The following ZFAND4 variants were observed in gnomAD, a reference collection of about 807,000 sequenced individuals.
ZFAND4 encodes the protein AN1-type zinc finger protein 4.
Under a neutral mutation model 64.4 loss-of-function variants are expected in ZFAND4, and 43 were observed. That is an observed-to-expected ratio of 0.67 (90% CI 0.52 to 0.86). The LOEUF (loss-of-function observed/expected upper bound fraction) is 0.86, where lower values mean the gene tolerates loss of function less well. ZFAND4 is among the 40% of genes least tolerant of loss of function. ZFAND4 has a pLI of 0.00. For synonymous variants in ZFAND4, 296 were observed against 305.7 expected (o/e 0.97, Z 0.33); for missense variants, 929 against 859.8 (o/e 1.08, Z -1.01).
Position 45,631,370 on chromosome 10 carries a change from T to TA in ZFAND4, c.718-4266dup, listed in dbSNP as rs199684761. ...ACAAACAAAAAAACAAATAAAGTACTAAAAAAAAAAAACATATAAATTCTA... is the reference window on the plus strand; with the variant it reads ...ACAAACAAAAAAACAAATAAAGTACTAAAAAAAAAAAAACATATAAATTCTA... On this transcript the variant is annotated intron_variant, in intron 6 of 9. Coordinates refer to ENST00000344646, the MANE Select transcript of ZFAND4 (RefSeq NM_174890.4). Among the ~76,000 whole-genome samples, 1,142 of 133,474 alleles carry TA rather than the reference T, an allele frequency of 8.6e-3. 16 individuals are homozygous for TA. Among genetic ancestry groups the TA allele is most frequent in the East Asian group, 0.058 (270 of 4,672 alleles). 87.6% of individuals were successfully genotyped at this position (133,474 alleles called of 152,430 possible).
intron 8 of ZFAND4, among the ~76,000 whole-genome samples, chr10:45,622,101 T>A (rs554897082): frequency 6.6e-6 from 1 of 152,236 alleles, no homozygotes; most frequent in East Asian, 1.9e-4. Context: ...AACTATAACA[T>A]TAAAAGTCAA....
intron 6 of ZFAND4, among the ~76,000 whole-genome samples, chr10:45,628,306 G>C (rs1376547812): frequency 7.9e-5 from 12 of 152,152 alleles, no homozygotes; most frequent in African/African-American, 2.2e-4. Context: ...AGAAACCTTG[G>C]AAAGATGAGC....
chr10:45,663,797 T>G lies in ZFAND4; in HGVS notation c.-72A>C, dbSNP rs899074731. 7.7e-7 allele frequency: 1 copy of G among 1,306,684 alleles called. No homozygotes were observed. The highest frequency in any genetic ancestry group is 1.0e-6 in the Non-Finnish European group (1 of 961,278). 80.9% of individuals were successfully genotyped at this position (1,306,684 alleles called of 1,614,324 possible). A position where few individuals can be genotyped will look rare whatever the true frequency, so the allele number is the denominator to read the frequency against. ...ATTCCAGTTCTAGGCAAACCAGGTT[T>G]GAAGATTGGTAATATATATTGTTGT... On this transcript the variant is annotated 5_prime_UTR_variant, in exon 2 of 10. Coordinates refer to ENST00000344646, the MANE Select transcript of ZFAND4 (RefSeq NM_174890.4).
chr10:45,651,411 C>T, intron 4 of ZFAND4: 1 of 351,486 alleles, frequency 2.8e-6, no homozygotes, highest in African/African-American at 2.1e-5. Context: ...CTTTCTCTCC[C>T]ATGTCTACCA....
At position 45,662,781 on chromosome 10, in the gene ZFAND4, A is replaced by G. The variant is rs905672012; in HGVS notation, c.184+761T>C. On this transcript the variant is annotated intron_variant, in intron 2 of 9. Transcript: ENST00000344646. ...CATCCTTCTATAATTCTGAACTTAA[A>G]CCAGCTGGAGGGCAACCCTAGTCAC... 4 of 528,306 alleles carry G rather than the reference A, an allele frequency of 7.6e-6. No individual in the cohort carries two copies. In the African/African-American group the frequency reaches 8.3e-5, roughly 11 times the overall value. 32.7% of individuals were successfully genotyped at this position (528,306 alleles called of 1,614,324 possible).
chr10:45,642,158 C>T (rs915269870), intron 5 of ZFAND4, among the ~76,000 whole-genome samples: 6 of 152,160 alleles, frequency 3.9e-5, no homozygotes, highest in African/African-American at 1.2e-4. Context: ...ATATTTTAAC[C>T]TTAAATACTT....
chr10:45,622,945 A>G (rs1476225529), intron 8 of ZFAND4, among the ~76,000 whole-genome samples: 6 of 152,194 alleles, frequency 3.9e-5, no homozygotes, highest in African/African-American at 1.4e-4. Flanking sequence ...ATTTCTCCAA[A>G]GAAGATCTAC....
At chr10:45,642,704 C>T (rs1176102200) in intron 5 of ZFAND4, among the ~76,000 whole-genome samples, 2 of 148,830 alleles carry the variant, frequency 1.3e-5, no homozygotes, top group South Asian at 2.1e-4. Flanking sequence ...CAAAGAACCA[C>T]ATTATTTTGT....
At chr10:45,661,622 T>A (rs2048476762) in intron 2 of ZFAND4, among the ~76,000 whole-genome samples, 1 of 152,076 alleles carries the variant, frequency 6.6e-6, no homozygotes, top group African/African-American at 2.4e-5. Flanking sequence ...GATATAAATA[T>A]AAAGATCACC....
intron 4 of ZFAND4, among the ~76,000 whole-genome samples, chr10:45,649,478 T>G (rs2047616774): frequency 6.6e-6 from 1 of 152,204 alleles, no homozygotes; most frequent in Non-Finnish European, 1.5e-5. Flanking sequence ...ACTTATTTAT[T>G]AACAGAATCG....
At chr10:45,651,651 C>T in intron 4 of ZFAND4, 1 of 490,862 alleles carries the variant, frequency 2.0e-6, no homozygotes, top group East Asian at 6.3e-5. Context: ...ATAAACAAGA[C>T]TCGTATGAAA....
intron 5 of ZFAND4, chr10:45,640,423 T>TAA (rs35229531): frequency 0.01 from 9,463 of 913,086 alleles, 46 homozygotes; most frequent in African/African-American, 0.062. Flanking sequence ...AGATTCTCAC[T>TAA]AAAAAAAAAA....
chr10:45,618,198 T>C lies in ZFAND4; in HGVS notation c.1990A>G (p.Thr664Ala), dbSNP rs199784160. ...TTTCCACAAAGAAAACAATGATTTG[T>C]TGTTTTCTTCTTTGTCTGAAGAGGG... ...KAPLQTKKKT[T>A]NHCFLCGKKT... Residue 664 changes from threonine to alanine, a missense_variant, in exon 9 of 10, where the codon ACA becomes GCA. Physicochemically the swap from Thr to Ala is moderately conservative, Grantham distance 58. Transcript: ENST00000344646. 1.1e-4 allele frequency: 177 copies of C among 1,613,832 alleles called. 1 individual carries two copies. The East Asian group carries it at 3.9e-3, about 36-fold the overall frequency.
At chr10:45,652,223 C>G (rs1466065172) in intron 3 of ZFAND4, among the ~76,000 whole-genome samples, 190 bp from the exon 4 acceptor site, 2 of 152,010 alleles carry the variant, frequency 1.3e-5, no homozygotes, top group Non-Finnish European at 2.9e-5. Context: ...GAAACAAATT[C>G]TCATAAGCCA....
intron 3 of ZFAND4, 75 bp from the exon 4 acceptor site, chr10:45,652,108 TG>T: frequency 6.9e-7 from 1 of 1,457,758 alleles, no homozygotes; most frequent in Non-Finnish European, 9.6e-7. Context: ...AATTATGTGC[TG>T]GCTTATCAGG....
chr10:45,665,538 CAT>C (rs1419151617), intron 1 of ZFAND4, among the ~76,000 whole-genome samples: 37 of 151,718 alleles, frequency 2.4e-4, no homozygotes, highest in Non-Finnish European at 4.6e-4. Flanking sequence ...AAGACTCCAT[CAT>C]TAAATAAGAA....
At chr10:45,641,775 T>C (rs1055779427) in intron 5 of ZFAND4, among the ~76,000 whole-genome samples, 6 of 152,220 alleles carry the variant, frequency 3.9e-5, no homozygotes, top group African/African-American at 1.4e-4. Context: ...TTCCTAATTC[T>C]CACAAAACTA....
intron 5 of ZFAND4, among the ~76,000 whole-genome samples, chr10:45,646,151 C>G (rs1435036053): frequency 2.6e-5 from 4 of 152,148 alleles, no homozygotes; most frequent in Non-Finnish European, 5.9e-5. Context: ...CTCTGGAATT[C>G]TGTGGTACAA....
At chr10:45,642,702 C>T (rs2047095586) in intron 5 of ZFAND4, among the ~76,000 whole-genome samples, 1 of 149,594 alleles carries the variant, frequency 6.7e-6, no homozygotes, top group African/African-American at 2.5e-5. Flanking sequence ...TTCAAAGAAC[C>T]ACATTATTTT....
Sources: allele counts gnomAD v4.1 joint callset (sites outside exome capture counted in the v4.1 genomes callset), GRCh38; gene constraint gnomAD v4.1.1; transcripts MANE v1.5; gene names NCBI Gene and HGNC (gene_info 2026-07-23, HGNC 2026-07-21).